The following MAP4K3 variants were observed in gnomAD, a reference collection of about 807,000 sequenced individuals.
MAP4K3 encodes MAPK/ERK kinase kinase kinase 3.
Under a neutral mutation model 143.5 loss-of-function variants are expected in MAP4K3, and 94 were observed. The observed-to-expected ratio is 0.65, with a 90% CI of 0.55 to 0.78. MAP4K3 has a LOEUF of 0.78. Among genes scored for constraint, MAP4K3 ranks in the 30% least tolerant of loss-of-function variants. The pLI is 0.00. For missense variants in MAP4K3, 1,077 were observed against 1,068.1 expected, an observed-to-expected ratio of 1.01 and a Z score of -0.12; for synonymous variants, 416 against 347.2, an observed-to-expected ratio of 1.20 and a Z score of -2.20.
chr2:39,322,032 T>G (rs1238929049), intron 12 of MAP4K3, among the ~76,000 whole-genome samples: 2 of 88,886 alleles, frequency 2.3e-5, no homozygotes, highest in Non-Finnish European at 2.2e-5. Flanking sequence ...CCTTATTTCT[T>G]TCTCTATACT....
chr2:39,315,405 T>A lies in MAP4K3; in HGVS notation c.919-17A>T, dbSNP rs745326400. The A allele has an allele frequency of 6.6e-7, 1 of 1,515,704 alleles. No individual in the cohort carries two copies. The allele number at this position is 1,515,704 out of a possible 1,614,324, so 93.9% of individuals were successfully genotyped here. On this transcript the variant is annotated splice_polypyrimidine_tract_variant and intron_variant, in intron 12 of 33. Coordinates refer to ENST00000263881, the MANE Select transcript of MAP4K3 (RefSeq NM_003618.4). ...AACAAGAGGCTAGAAAAGAACAAAA[T>A]CAATGATATGCAGCATTTGATAATC...
chr2:39,357,045 T>C (rs1665631087), intron 2 of MAP4K3, among the ~76,000 whole-genome samples: 1 of 152,200 alleles, frequency 6.6e-6, no homozygotes, highest in Non-Finnish European at 1.5e-5. Flanking sequence ...TTGTTCCAAC[T>C]GTGTTATAAT....
chr2:39,308,444 G>A (rs1682798605), intron 14 of MAP4K3, among the ~76,000 whole-genome samples: 1 of 151,984 alleles, frequency 6.6e-6, no homozygotes, highest in Admixed American at 6.6e-5. Flanking sequence ...TAAGGTAAAG[G>A]CTAATGACAC....
intron 1 of MAP4K3, among the ~76,000 whole-genome samples, chr2:39,412,601 G>A (rs1489483927): frequency 1.3e-5 from 2 of 152,094 alleles, no homozygotes; most frequent in African/African-American, 4.8e-5. Context: ...ACACTCAGAA[G>A]GGCTTTCCTA....
chr2:39,267,394 G>C (rs569695026), intron 26 of MAP4K3, 147 bp from the exon 27 acceptor site: 7 of 639,168 alleles, frequency 1.1e-5, no homozygotes, highest in South Asian at 1.9e-5. Context: ...TAAAAAGGCC[G>C]GGTGCCATGG....
intron 1 of MAP4K3, among the ~76,000 whole-genome samples, chr2:39,388,771 A>G (rs1558681875): frequency 6.6e-6 from 1 of 152,208 alleles, no homozygotes; most frequent in Non-Finnish European, 1.5e-5. Flanking sequence ...CAGGAGCCTC[A>G]AGTCAAGAAA....
At chr2:39,349,784 A>C (rs1665398542) in intron 3 of MAP4K3, among the ~76,000 whole-genome samples, 2 of 152,188 alleles carry the variant, frequency 1.3e-5, no homozygotes, top group Admixed American at 1.3e-4. Context: ...AAAGAAAAAG[A>C]AGAAATAAAA....
rs1047368514 is a variant in MAP4K3 at position 39,343,570 on chromosome 2, T to A, written c.246-118A>T. ...GAAAAACAACAAATGCAATGTGTTATCTTTAAAATAACTAATTAATCTTTA... is the reference window on the plus strand; with the variant it reads ...GAAAAACAACAAATGCAATGTGTTAACTTTAAAATAACTAATTAATCTTTA... On this transcript the variant is annotated intron_variant, in intron 3 of 33. Coordinates refer to ENST00000263881, the MANE Select transcript of MAP4K3 (RefSeq NM_003618.4). 1.0e-5 allele frequency: 7 copies of A among 692,362 alleles called. No homozygotes were observed. The South Asian group carries it at 1.2e-4, about 12-fold the overall frequency. The allele number at this position is 692,362 out of a possible 1,614,324, so 42.9% of individuals were successfully genotyped here.
intron 20 of MAP4K3, 91 bp from the exon 21 acceptor site, chr2:39,287,055 C>T (rs1681812610): frequency 1.5e-6 from 1 of 677,612 alleles, no homozygotes; most frequent in African/African-American, 1.8e-5. Context: ...AATATTAACT[C>T]TGACATAGTG....
intron 8 of MAP4K3, among the ~76,000 whole-genome samples, chr2:39,331,153 G>A (rs1350815041): frequency 6.6e-6 from 1 of 152,136 alleles, no homozygotes. Context: ...TGAGTCAGAT[G>A]AAGAGGGCAT....
intron 1 of MAP4K3, among the ~76,000 whole-genome samples, chr2:39,404,369 AG>A (rs1667035207): frequency 6.6e-6 from 1 of 152,076 alleles, no homozygotes; most frequent in African/African-American, 2.4e-5. Flanking sequence ...GGTGAGTCCT[AG>A]GTCTGGCAGC....
chr2:39,379,361 C>T (rs1666303277), intron 1 of MAP4K3, among the ~76,000 whole-genome samples: 1 of 152,036 alleles, frequency 6.6e-6, no homozygotes, highest in Non-Finnish European at 1.5e-5. Flanking sequence ...ATTGTTCCTT[C>T]AAACAAAATC....
At chr2:39,409,242 T>C (rs2148615908) in intron 1 of MAP4K3, among the ~76,000 whole-genome samples, 1 of 152,344 alleles carries the variant, frequency 6.6e-6, no homozygotes. Context: ...TAATACACAA[T>C]ACATATAAGA....
intron 16 of MAP4K3, among the ~76,000 whole-genome samples, chr2:39,296,778 AATT>A (rs556266589): frequency 3.3e-5 from 5 of 152,222 alleles, no homozygotes; most frequent in Non-Finnish European, 7.4e-5. Flanking sequence ...TACAATCAAC[AATT>A]ATTTACTGAA....
chr2:39,378,409 C>T (rs900456522), intron 1 of MAP4K3, among the ~76,000 whole-genome samples: 1 of 152,112 alleles, frequency 6.6e-6, no homozygotes, highest in Non-Finnish European at 1.5e-5. Flanking sequence ...ATCCTCACAA[C>T]AACCTTATAA....
intron 3 of MAP4K3, among the ~76,000 whole-genome samples, chr2:39,354,435 T>G (rs1665548205): frequency 6.6e-6 from 1 of 151,874 alleles, no homozygotes; most frequent in African/African-American, 2.4e-5. Flanking sequence ...AGACTGAGAT[T>G]CCATCTCAAA....
At chr2:39,286,034 G>A (rs1277492277) in intron 21 of MAP4K3, among the ~76,000 whole-genome samples, 3 of 152,178 alleles carry the variant, frequency 2.0e-5, no homozygotes, top group African/African-American at 4.8e-5. Flanking sequence ...TGGTAAGTAA[G>A]AGCAGCAATG....
chr2:39,300,308 C>T (rs1027680108), intron 15 of MAP4K3, among the ~76,000 whole-genome samples: 1 of 152,154 alleles, frequency 6.6e-6, no homozygotes, highest in African/African-American at 2.4e-5. Flanking sequence ...CGTATATGAA[C>T]TTGTACAATA....
chr2:39,345,964 T>C (rs1271281528), intron 3 of MAP4K3, among the ~76,000 whole-genome samples: 1 of 82,472 alleles, frequency 1.2e-5, no homozygotes, highest in Admixed American at 1.2e-4. Context: ...AAGCCCAAAA[T>C]AAATCTGAAG....
Sources: gnomAD v4.1 joint callset for allele counts (sites outside exome capture counted in the v4.1 genomes callset) on GRCh38, gnomAD v4.1.1 for gene constraint, MANE v1.5 for transcripts, NCBI Gene and HGNC (gene_info 2026-07-23, HGNC 2026-07-21) for gene names.